The following HK1 variants were observed in gnomAD, a reference collection of about 807,000 sequenced individuals.
The protein encoded by HK1 is hexokinase-1.
Under a neutral mutation model 91.6 loss-of-function variants are expected in HK1, and 28 were observed. The observed-to-expected ratio is 0.31, with a 90% CI of 0.23 to 0.42. The LOEUF (loss-of-function observed/expected upper bound fraction) is 0.42, where lower values mean the gene tolerates loss of function less well. Ranked by LOEUF, HK1 falls within the 10% of genes least tolerant of loss-of-function variation. The pLI, the probability that HK1 is intolerant of heterozygous loss-of-function variation, is 1.00. For synonymous variants in HK1, 430 were observed against 468.1 expected, an observed-to-expected ratio of 0.92 and a Z score of 1.05; for missense variants, 770 against 1,219.8, an observed-to-expected ratio of 0.63 and a Z score of 5.49.
chr10:69,324,302 A>G (rs984046346), intron 1 of HK1, among the ~76,000 whole-genome samples: 1 of 152,104 alleles, frequency 6.6e-6, no homozygotes, highest in African/African-American at 2.4e-5. Flanking sequence ...AGCATAAAAT[A>G]TTTGCTGGCC....
intron 11 of HK1, 67 bp downstream of exon 11, chr10:69,384,548 T>C (rs1839540508): frequency 6.2e-7 from 1 of 1,603,524 alleles, no homozygotes; most frequent in African/African-American, 1.3e-5. Context: ...AGTCACGTGA[T>C]GACCAAAATC....
Position 69,276,118 on chromosome 10 carries a change from A to AAAAATATAT in HK1, c.-391+6011_-391+6012insAAATATATA. 5.2e-4 allele frequency among the ~76,000 whole-genome samples: 20 copies of AAAAATATAT among 38,270 alleles called. 2 individuals are homozygous for AAAAATATAT. Among genetic ancestry groups the AAAAATATAT allele is most frequent in the African/African-American group, 6.8e-4 (9 of 13,316 alleles). 25.1% of individuals were successfully genotyped at this position (38,270 alleles called of 152,430 possible). On this transcript the variant is annotated intron_variant, in intron 1 of 21. Coordinates refer to the HK1 transcript ENST00000360289. ...AAAAAAAAAAAAAAAAAAAAAAAAA[A>AAAAATATAT]ATACATATATATATATATATACACA...
At chr10:69,392,043 C>T in intron 14 of HK1, 82 bp from the exon 15 acceptor site, 1 of 1,437,412 alleles carries the variant, frequency 7.0e-7, no homozygotes, top group Non-Finnish European at 9.8e-7. Context: ...CCTGTGGAAC[C>T]TCAGGCCCCA....
intron 1 of HK1, among the ~76,000 whole-genome samples, chr10:69,329,654 T>C (rs1198440153): frequency 6.6e-6 from 1 of 152,146 alleles, no homozygotes; most frequent in Non-Finnish European, 1.5e-5. Context: ...CTACTGCTGG[T>C]CCCCTGATTC....
chr10:69,319,729 T>C (rs2132567929), intron 1 of HK1, among the ~76,000 whole-genome samples: 1 of 152,370 alleles, frequency 6.6e-6, no homozygotes, highest in East Asian at 1.9e-4. Flanking sequence ...GCATGCTTGT[T>C]CTAGCACTTG....
intron 2 of HK1, among the ~76,000 whole-genome samples, chr10:69,344,936 C>T (rs181026279): frequency 1.3e-5 from 2 of 151,990 alleles, no homozygotes; most frequent in African/African-American, 2.4e-5. Context: ...TGTGAGTACA[C>T]GACCAGTGAG....
At position 69,338,991 on chromosome 10, in the gene HK1, C is replaced by T. The variant is rs186608217; in HGVS notation, c.64-4836C>T. On this transcript the variant is annotated intron_variant, in intron 1 of 17. Transcript: ENST00000359426. ...ATTTCTCCAATGCCCTTTCTTCCTC[C>T]CTCTCTCCTTCAACCCACTGCCCAT... Among the ~76,000 whole-genome samples, 26 of 152,256 alleles carry T rather than the reference C, an allele frequency of 1.7e-4. 1 individual carries two copies. Among genetic ancestry groups the T allele is most frequent in the African/African-American group, 6.3e-4 (26 of 41,538 alleles).
chr10:69,320,653 G>A (rs1169558727), intron 1 of HK1, among the ~76,000 whole-genome samples: 1 of 152,132 alleles, frequency 6.6e-6, no homozygotes, highest in Non-Finnish European at 1.5e-5. Context: ...TCCTGCACGT[G>A]GTGTCCTTTA....
chr10:69,344,632 G>A (rs1447336473), intron 2 of HK1, among the ~76,000 whole-genome samples: 4 of 152,258 alleles, frequency 2.6e-5, no homozygotes. Context: ...GCAGTGGGGC[G>A]TTGGGGGAGG....
At chr10:69,377,274 G>A (rs779398682) in intron 8 of HK1, among the ~76,000 whole-genome samples, 185 bp downstream of exon 8, 6 of 152,018 alleles carry the variant, frequency 3.9e-5, no homozygotes, top group Admixed American at 6.6e-5. Flanking sequence ...CACTTGTGGC[G>A]GTTCATTAAA....
intron 4 of HK1, among the ~76,000 whole-genome samples, chr10:69,298,195 G>A (rs1056378027): frequency 1.3e-5 from 2 of 151,606 alleles, no homozygotes; most frequent in Non-Finnish European, 2.9e-5. Flanking sequence ...TGGGCAAGAA[G>A]AGAGAAACTC....
At chr10:69,313,721 T>C (rs1284209469), upstream of HK1, among the ~76,000 whole-genome samples, 1 of 151,942 alleles carries the variant, frequency 6.6e-6, no homozygotes, top group East Asian at 1.9e-4. Context: ...GGTCTCGAAC[T>C]CCCGACCAGA....
At chr10:69,304,328 G>A (rs1564496558) in intron 5 of HK1, among the ~76,000 whole-genome samples, 1 of 148,526 alleles carries the variant, frequency 6.7e-6, no homozygotes. Context: ...ATTTTTGGGG[G>A]ACAGAGTCTC....
chr10:69,398,729 G>C lies in HK1; in HGVS notation c.2510G>C (p.Gly837Ala), dbSNP rs763461603. 6.2e-7 allele frequency: 1 copy of C among 1,614,194 alleles called. No individual in the cohort carries two copies. Among genetic ancestry groups the C allele is most frequent in the South Asian group, 1.1e-5 (1 of 91,090 alleles). ...AGGGCCGCACAGCTGTGTGGCGCAG[G>C]CATGGCTGCGGTTGTGGATAAGATC... ...SRRAAQLCGA[G>A]MAAVVDKIRE... The change falls in exon 17 of 18, where the codon GGC (glycine) becomes GCC (alanine). Residue 837 changes from glycine to alanine, a missense_variant. Coordinates refer to ENST00000359426, the MANE Select transcript of HK1 (RefSeq NM_000188.3).
intron 1 of HK1, among the ~76,000 whole-genome samples, chr10:69,280,086 T>C (rs1438967319): frequency 6.6e-6 from 1 of 152,038 alleles, no homozygotes; most frequent in Non-Finnish European, 1.5e-5. Context: ...TGGAGGTAGA[T>C]TGCATCTCAG....
At chr10:69,284,509 G>T (rs1844920760) in intron 2 of HK1, among the ~76,000 whole-genome samples, 1 of 150,940 alleles carries the variant, frequency 6.6e-6, no homozygotes, top group African/African-American at 2.5e-5. Flanking sequence ...TCACTGGAAA[G>T]GAAGAAGGAA....
At chr10:69,277,560 C>G (rs1018224570) in intron 1 of HK1, among the ~76,000 whole-genome samples, 13 of 151,974 alleles carry the variant, frequency 8.6e-5, no homozygotes, top group Admixed American at 5.2e-4. Flanking sequence ...AGAGTAAGAC[C>G]CTGTGTCTAA....
At chr10:69,319,234 C>T (rs1223138039) in intron 1 of HK1, 3 of 626,564 alleles carry the variant, frequency 4.8e-6, no homozygotes, top group African/African-American at 3.7e-5. Flanking sequence ...CGGAAGACCC[C>T]CGAGACCGGG....
intron 5 of HK1, among the ~76,000 whole-genome samples, chr10:69,304,128 T>C (rs1589455436): frequency 6.6e-6 from 1 of 152,174 alleles, no homozygotes; most frequent in African/African-American, 2.4e-5. Flanking sequence ...GGTCAGAATC[T>C]TGTAGCCTCC....
Sources: allele counts gnomAD v4.1 joint callset (sites outside exome capture counted in the v4.1 genomes callset), GRCh38; gene constraint gnomAD v4.1.1; transcripts MANE v1.5; gene names NCBI Gene and HGNC (gene_info 2026-07-23, HGNC 2026-07-21).